Variants in MGAT4C observed in about 807,000 individuals in gnomAD.
MGAT4C encodes alpha-1,3-mannosyl-glycoprotein 4-beta-N-acetylglucosaminyltransferase C.
MGAT4C carries 19 observed loss-of-function variants against 40.1 expected under a neutral mutation model. That is an observed-to-expected ratio of 0.47 (90% CI 0.33 to 0.70). MGAT4C has a LOEUF of 0.70. MGAT4C is among the 30% of genes least tolerant of loss of function. The pLI is 0.02. For synonymous variants in MGAT4C, 181 were observed against 187.1 expected, an observed-to-expected ratio of 0.97 and a Z score of 0.27; for missense variants, 491 against 563.2, an observed-to-expected ratio of 0.87 and a Z score of 1.30.
At chr12:86,603,771 TATATATACTATATA>T (rs1961931204) in intron 2 of MGAT4C, among the ~76,000 whole-genome samples, 1 of 74,366 alleles carries the variant, frequency 1.3e-5, no homozygotes, top group African/African-American at 4.3e-5. Flanking sequence ...ATAGTATAAT[TATATATACTATATA>T]ATATATAGTA....
At chr12:85,980,510 T>G (rs933091433) in intron 4 of MGAT4C, 80 bp from the exon 5 acceptor site, 17 of 1,285,858 alleles carry the variant, frequency 1.3e-5, no homozygotes, top group Admixed American at 7.5e-5. Context: ...ATTTATTCCT[T>G]TGACTTGCTA....
intron 2 of MGAT4C, among the ~76,000 whole-genome samples, chr12:86,631,087 A>G (rs1963021652): frequency 1.3e-5 from 2 of 152,182 alleles, no homozygotes; most frequent in Admixed American, 1.3e-4. Flanking sequence ...TGCAAAAATC[A>G]CAAGCATTCT....
rs572756292 is a variant in MGAT4C, at chr12:85,979,331, C to T, written c.1395G>A (p.Lys465=). The T allele has an allele frequency of 2.5e-6, 4 of 1,608,234 alleles. No individual in the cohort carries two copies. Among genetic ancestry groups the T allele is most frequent in the Non-Finnish European group, 3.4e-6 (4 of 1,176,472 alleles). The stretch of plus-strand genomic sequence containing the variant: ...TAATACTCCTAATAATTAGCCATTC[C>T]TTTTGTGTTTTGGTGACATATATCC... ...CMRIYVTKTQ[K]EWLIIRSISI... The change falls in exon 5 of 5, where the codon AAG becomes AAA. Residue 465 remains lysine, a synonymous_variant. Coordinates refer to ENST00000611864, the MANE Select transcript of MGAT4C (RefSeq NM_001351288.2).
intron 2 of MGAT4C, among the ~76,000 whole-genome samples, chr12:86,668,044 CAAAT>C (rs915909817): frequency 6.6e-6 from 1 of 152,128 alleles, no homozygotes; most frequent in African/African-American, 2.4e-5. Context: ...AATTTAGTGA[CAAAT>C]AAAAGAGCTT....
At chr12:86,427,102 T>C (rs1956942392) in intron 3 of MGAT4C, among the ~76,000 whole-genome samples, 1 of 152,082 alleles carries the variant, frequency 6.6e-6, no homozygotes, top group Non-Finnish European at 1.5e-5. Flanking sequence ...CCATCACAGA[T>C]TTGGGATACT....
intron 1 of MGAT4C, among the ~76,000 whole-genome samples, chr12:86,200,821 A>G (rs902427136): frequency 6.6e-6 from 1 of 152,166 alleles, no homozygotes; most frequent in African/African-American, 2.4e-5. Context: ...TAAACGTTAA[A>G]TCAGGTCATG....
chr12:86,509,726 T>C (rs1958539108), intron 2 of MGAT4C, among the ~76,000 whole-genome samples: 1 of 152,200 alleles, frequency 6.6e-6, no homozygotes, highest in African/African-American at 2.4e-5. Flanking sequence ...TTGTATCCTC[T>C]TTTATTTCAT....
At chr12:86,416,463 C>A (rs1956717455) in intron 3 of MGAT4C, among the ~76,000 whole-genome samples, 1 of 151,994 alleles carries the variant, frequency 6.6e-6, no homozygotes, top group East Asian at 1.9e-4. Flanking sequence ...GAAATATTGA[C>A]CAGAGGCACT....
intron 3 of MGAT4C, among the ~76,000 whole-genome samples, chr12:86,389,265 A>C (rs1331895402): frequency 6.6e-6 from 1 of 152,260 alleles, no homozygotes; most frequent in East Asian, 1.9e-4. Context: ...GTCATCATTT[A>C]GCTCACACTT....
chr12:86,028,560 T>C (rs1049404436), intron 2 of MGAT4C, among the ~76,000 whole-genome samples: 4 of 151,970 alleles, frequency 2.6e-5, no homozygotes, highest in African/African-American at 9.7e-5. Context: ...ACCTCAGAAA[T>C]GTTCCCTAAC....
chr12:86,112,707 A>G, intron 1 of MGAT4C, among the ~76,000 whole-genome samples: 1 of 151,872 alleles, frequency 6.6e-6, no homozygotes, highest in Non-Finnish European at 1.5e-5. Context: ...TGTGGGTTAT[A>G]GTAGCCATGA....
intron 1 of MGAT4C, among the ~76,000 whole-genome samples, chr12:86,061,038 T>C (rs1893904685): frequency 6.6e-6 from 1 of 152,120 alleles, no homozygotes; most frequent in African/African-American, 2.4e-5. Context: ...GTTAGGTGCT[T>C]CACTTTCAAG....
intron 2 of MGAT4C, among the ~76,000 whole-genome samples, chr12:86,510,077 G>A (rs1338453762): frequency 6.6e-6 from 1 of 152,074 alleles, no homozygotes; most frequent in East Asian, 1.9e-4. Flanking sequence ...TAATTGCCCT[G>A]GCCAGAACTT....
chr12:86,666,139 C>T (rs767166609), intron 2 of MGAT4C, among the ~76,000 whole-genome samples: 11 of 152,142 alleles, frequency 7.2e-5, no homozygotes, highest in Non-Finnish European at 1.2e-4. Flanking sequence ...AAATATGAGG[C>T]GTGCTTCTTC....
rs1959007557 is a variant in MGAT4C at position 86,532,856 on chromosome 12, T to C, written c.-228-97591A>G. ...ATGTTTACTCACATAGAGATTTGGA[T>C]AGAGTTAGATTTGACCTCTCAGTTA... On this transcript the variant is annotated intron_variant, in intron 2 of 7. Transcript: ENST00000548651. Among the ~76,000 whole-genome samples the C allele has an allele frequency of 2.0e-5, 3 of 152,036 alleles. No homozygotes were observed. In the South Asian group the frequency reaches 6.2e-4, roughly 31 times the overall value.
chr12:86,408,601 T>C (rs1178295763), intron 3 of MGAT4C, among the ~76,000 whole-genome samples: 1 of 149,754 alleles, frequency 6.7e-6, no homozygotes, highest in Non-Finnish European at 1.5e-5. Context: ...TGGTTTCCCA[T>C]ACCTAGAGTC....
chr12:86,782,213 G>A (rs890463514), intron 1 of MGAT4C, among the ~76,000 whole-genome samples: 2 of 106,426 alleles, frequency 1.9e-5, no homozygotes, highest in Non-Finnish European at 3.4e-5. Flanking sequence ...ACGGAGTCTC[G>A]CTCTGTCGCC....
intron 3 of MGAT4C, among the ~76,000 whole-genome samples, chr12:86,342,885 A>G (rs1243437742): frequency 6.6e-6 from 1 of 152,184 alleles, no homozygotes; most frequent in Non-Finnish European, 1.5e-5. Context: ...ATTGATTATA[A>G]TTACCAAAGA....
chr12:86,427,553 C>CA (rs1956953869), intron 3 of MGAT4C, among the ~76,000 whole-genome samples: 1 of 152,100 alleles, frequency 6.6e-6, no homozygotes, highest in Non-Finnish European at 1.5e-5. Flanking sequence ...CATGTGCACA[C>CA]ACCCTCTTAT....
Sources: gnomAD v4.1 joint callset for allele counts (sites outside exome capture counted in the v4.1 genomes callset) on GRCh38, gnomAD v4.1.1 for gene constraint, MANE v1.5 for transcripts, NCBI Gene and HGNC (gene_info 2026-07-23, HGNC 2026-07-21) for gene names.